B3GALT1: variants seen among roughly 807,000 people sequenced by gnomAD.
B3GALT1 encodes UDP-Gal:betaGlcNAc beta 1,3-galactosyltransferase, polypeptide 1.
A neutral mutation model predicts 23.2 loss-of-function variants in B3GALT1; 10 were observed. That is an observed-to-expected ratio of 0.43 (90% CI 0.27 to 0.73). B3GALT1 has a LOEUF of 0.73. B3GALT1 is among the 30% of genes least tolerant of loss of function. The pLI is 0.21. For synonymous variants in B3GALT1, 156 were observed against 141.5 expected, an observed-to-expected ratio of 1.10 and a Z score of -0.73; for missense variants, 299 against 405.4, an observed-to-expected ratio of 0.74 and a Z score of 2.25.
intron 3 of B3GALT1, among the ~76,000 whole-genome samples, chr2:167,787,159 C>T (rs755596232): frequency 2.6e-5 from 4 of 152,128 alleles, no homozygotes; most frequent in Non-Finnish European, 4.4e-5. Context: ...AAAACACAGA[C>T]TTTGGAGCCA....
At chr2:167,330,968 A>G (rs948043313) in intron 1 of B3GALT1, among the ~76,000 whole-genome samples, 2 of 151,400 alleles carry the variant, frequency 1.3e-5, no homozygotes, top group South Asian at 2.1e-4. Context: ...TTTTTTTCCC[A>G]AATTTTAAAA....
intron 1 of B3GALT1, among the ~76,000 whole-genome samples, chr2:167,474,302 A>G (rs1028228531): frequency 6.6e-6 from 1 of 152,158 alleles, no homozygotes; most frequent in African/African-American, 2.4e-5. Flanking sequence ...TGATGATTGG[A>G]TATTAGGCTG....
In B3GALT1 at chr2:167,827,379, G is replaced by A. The variant is rs114761877; in HGVS notation, c.-230+8586G>A. On this transcript the variant is annotated intron_variant, in intron 4 of 4. Coordinates refer to ENST00000392690, the MANE Select transcript of B3GALT1 (RefSeq NM_020981.4). ...CTCAACTCCTAAAGGCTGAGCACAC[G>A]GTCAGTTGGAAATATGACGAGATCC... 1.9e-3 allele frequency among the ~76,000 whole-genome samples: 293 copies of A among 152,288 alleles called. 1 individual carries two copies. The highest frequency in any genetic ancestry group is 6.8e-3 in the African/African-American group (284 of 41,556).
chr2:167,843,790 T>C (rs1162518368), intron 4 of B3GALT1, among the ~76,000 whole-genome samples: 1 of 152,210 alleles, frequency 6.6e-6, no homozygotes, highest in Non-Finnish European at 1.5e-5. Context: ...GAATAAGTTG[T>C]AGTTGCAGAA....
intron 2 of B3GALT1, among the ~76,000 whole-genome samples, chr2:167,574,798 T>G (rs979664654): frequency 2.1e-4 from 32 of 151,794 alleles, no homozygotes; most frequent in African/African-American, 7.7e-4. Context: ...AGAAATGTTC[T>G]CTCTTTAATT....
chr2:167,347,127 G>T (rs1697233075), intron 1 of B3GALT1, among the ~76,000 whole-genome samples: 1 of 152,030 alleles, frequency 6.6e-6, no homozygotes, highest in African/African-American at 2.4e-5. Context: ...ACTAATAATT[G>T]TTCTAATCTT....
chr2:167,769,153 ATC>A (rs1688028457), intron 3 of B3GALT1, among the ~76,000 whole-genome samples: 1 of 152,006 alleles, frequency 6.6e-6, no homozygotes, highest in African/African-American at 2.4e-5. Flanking sequence ...GGGCCAAGCA[ATC>A]TCTCTGGGGT....
rs567443629 is a variant in B3GALT1 at position 167,542,181 on chromosome 2, T to C, written c.-410+51904T>C. ...ATCTTGTATAAATAATGTAAGATGA[T>C]TTTTCTGCCTGATAGAAAGGAAAGG... On this transcript the variant is annotated intron_variant, in intron 2 of 4. Coordinates refer to ENST00000392690, the MANE Select transcript of B3GALT1 (RefSeq NM_020981.4). Among the ~76,000 whole-genome samples the C allele has an allele frequency of 2.0e-5, 3 of 152,274 alleles. No individual in the cohort carries two copies. The East Asian group carries it at 5.8e-4, about 29-fold the overall frequency.
rs1289641817 is a variant in B3GALT1 at position 167,871,031 on chromosome 2, T to C, written c.*1011T>C. ...AGAAAATCTTTAAGGGTGTCAATAT[T>C]ATTGAAAGACTTGGCCCTACTTGCT... On this transcript the variant is annotated 3_prime_UTR_variant, in exon 5 of 5. Coordinates refer to ENST00000392690, the MANE Select transcript of B3GALT1 (RefSeq NM_020981.4). 1 of 156,794 alleles carries C rather than the reference T, an allele frequency of 6.4e-6. No individual in the cohort carries two copies. Among genetic ancestry groups the C allele is most frequent in the African/African-American group, 2.4e-5 (1 of 41,454 alleles). 9.7% of individuals were successfully genotyped at this position (156,794 alleles called of 1,614,324 possible). A position where few individuals can be genotyped will look rare whatever the true frequency, so the allele number is the denominator to read the frequency against.
intron 1 of B3GALT1, among the ~76,000 whole-genome samples, chr2:167,486,615 G>A (rs1410901079): frequency 6.6e-6 from 1 of 152,048 alleles, no homozygotes; most frequent in Non-Finnish European, 1.5e-5. Context: ...CTACTCAGGA[G>A]GCTGAGGCAG....
intron 2 of B3GALT1, among the ~76,000 whole-genome samples, chr2:167,541,764 C>T (rs1188271681): frequency 6.6e-6 from 1 of 152,070 alleles, no homozygotes; most frequent in East Asian, 1.9e-4. Context: ...ACAGTGGCCA[C>T]ATAAGGATAC....
intron 1 of B3GALT1, among the ~76,000 whole-genome samples, chr2:167,416,108 G>T (rs1698465942): frequency 6.6e-6 from 1 of 152,198 alleles, no homozygotes; most frequent in Non-Finnish European, 1.5e-5. Context: ...GCTAAGATTA[G>T]TAGAGAGAAG....
At chr2:167,587,841 TA>T (rs1369941822) in intron 2 of B3GALT1, among the ~76,000 whole-genome samples, 6 of 152,186 alleles carry the variant, frequency 3.9e-5, no homozygotes, top group African/African-American at 1.4e-4. Flanking sequence ...ATTTTATCTC[TA>T]AAAAATATTA....
intron 1 of B3GALT1, among the ~76,000 whole-genome samples, chr2:167,340,313 G>GA (rs773710953): frequency 2.5e-3 from 218 of 87,360 alleles, no homozygotes; most frequent in East Asian, 4.9e-3. Flanking sequence ...GGTACAGGGA[G>GA]AAAAAAAAAA....
At chr2:167,724,400 C>A (rs1687276953) in intron 3 of B3GALT1, among the ~76,000 whole-genome samples, 1 of 152,128 alleles carries the variant, frequency 6.6e-6, no homozygotes, top group African/African-American at 2.4e-5. Context: ...AACTCGGAAA[C>A]CAAACGTATT....
At chr2:167,453,761 T>C (rs1406537574) in intron 1 of B3GALT1, among the ~76,000 whole-genome samples, 1 of 152,200 alleles carries the variant, frequency 6.6e-6, no homozygotes, top group Non-Finnish European at 1.5e-5. Flanking sequence ...TTAAACTCAG[T>C]GGAAATTTAA....
intron 2 of B3GALT1, among the ~76,000 whole-genome samples, chr2:167,607,740 T>G (rs773494273): frequency 6.6e-6 from 1 of 152,206 alleles, no homozygotes; most frequent in South Asian, 2.1e-4. Context: ...GAATTTTTAG[T>G]GTGGGCTCCT....
intron 2 of B3GALT1, among the ~76,000 whole-genome samples, chr2:167,497,720 G>T (rs1699799540): frequency 1.3e-5 from 2 of 151,884 alleles, no homozygotes; most frequent in South Asian, 4.1e-4. Flanking sequence ...ACTCTGAGGT[G>T]ACAAATGCAA....
At chr2:167,756,109 A>G (rs1030100612) in intron 3 of B3GALT1, among the ~76,000 whole-genome samples, 4 of 152,320 alleles carry the variant, frequency 2.6e-5, no homozygotes, top group Admixed American at 6.5e-5. Context: ...TTTTGAGGAA[A>G]GGGACATTAT....
Sources: gnomAD v4.1 joint callset for allele counts (sites outside exome capture counted in the v4.1 genomes callset) on GRCh38, gnomAD v4.1.1 for gene constraint, MANE v1.5 for transcripts, NCBI Gene and HGNC (gene_info 2026-07-23, HGNC 2026-07-21) for gene names.